Variants in GGT1 observed in about 807,000 individuals in gnomAD.
GGT1 encodes the protein gamma-glutamyltransferase 1, also known as glutathione hydrolase 1 proenzyme.
A neutral mutation model predicts 56.0 loss-of-function variants in GGT1; 21 were observed. The ratio of observed to expected loss-of-function variants is 0.38; its 90% CI spans 0.27 to 0.54. GGT1 has a LOEUF of 0.54. Ranked by LOEUF, GGT1 falls within the 20% of genes least tolerant of loss-of-function variation. The pLI is 0.82. For missense variants in GGT1, 466 were observed against 787.0 expected, an observed-to-expected ratio of 0.59 and a Z score of 4.88; for synonymous variants, 238 against 342.6, an observed-to-expected ratio of 0.69 and a Z score of 3.37.
At chr22:24,593,038 A>G (rs530802654), upstream of GGT1, 5,812 of 1,045,198 alleles carry the variant, frequency 5.6e-3, 23 homozygotes, top group Non-Finnish European at 6.3e-3. Flanking sequence ...CCGCGCCCCC[A>G]TGGCCGCCGC....
upstream of GGT1, chr22:24,592,786 C>T (rs1377789520): frequency 5.5e-6 from 7 of 1,270,798 alleles, no homozygotes; most frequent in East Asian, 1.1e-4. Flanking sequence ...CAACCCATAG[C>T]CCCGCGCCTC....
intron 5 of GGT1, among the ~76,000 whole-genome samples, chr22:24,611,685 A>G (rs563969736): frequency 6.7e-5 from 10 of 148,640 alleles, no homozygotes; most frequent in African/African-American, 2.5e-4. Context: ...GTTAACTGCA[A>G]CCTCCGCCTC....
intron 10 of GGT1, among the ~76,000 whole-genome samples, chr22:24,623,510 A>C (rs1424959826): frequency 6.7e-6 from 1 of 150,044 alleles, no homozygotes; most frequent in African/African-American, 2.5e-5. Context: ...GCAGGAGCTC[A>C]GGGCTGCAGG....
At chr22:24,589,515 AT>A in the GGT1 span, 1 of 472,434 alleles carries the variant, frequency 2.1e-6, no homozygotes, top group African/African-American at 2.1e-5. Flanking sequence ...GGGTCCCCAT[AT>A]GACTTCTGCC....
intron 7 of GGT1, among the ~76,000 whole-genome samples, chr22:24,615,361 G>A (rs2046994391): frequency 6.6e-6 from 1 of 152,174 alleles, no homozygotes; most frequent in Admixed American, 6.5e-5. Context: ...ACTCTGTGCA[G>A]CACATGGAGA....
upstream of GGT1, chr22:24,589,823 T>A (rs1447472028): frequency 2.5e-6 from 4 of 1,612,230 alleles, 1 homozygote; most frequent in South Asian, 3.3e-5. Context: ...AGCCTCACCT[T>A]CTTGGGGCAC....
intron 11 of GGT1, among the ~76,000 whole-genome samples, chr22:24,625,252 A>G (rs1167794698): frequency 1.3e-5 from 2 of 152,138 alleles, no homozygotes; most frequent in African/African-American, 2.4e-5. Context: ...CTTTACCTAC[A>G]GTAGGCTCCC....
chr22:24,596,682 G>A (rs144220167), intron 1 of GGT1, among the ~76,000 whole-genome samples: 13 of 149,914 alleles, frequency 8.7e-5, no homozygotes, highest in African/African-American at 3.2e-4. Flanking sequence ...GACGGACCAT[G>A]AGGTCAGGAA....
chr22:24,606,881 A>T (rs1216621301), intron 1 of GGT1, among the ~76,000 whole-genome samples: 13,405 of 128,564 alleles, frequency 0.1, 314 homozygotes, highest in African/African-American at 0.25. Context: ...GCTCTCCGGC[A>T]CCGTAGACAC....
intron 2 of GGT1, 29 bp downstream of exon 2, chr22:24,608,052 G>A: frequency 2.1e-6 from 1 of 466,280 alleles, no homozygotes; most frequent in Non-Finnish European, 4.4e-6. Flanking sequence ...CAAGGAAGGG[G>A]GTCTGGGTTT....
intron 7 of GGT1, among the ~76,000 whole-genome samples, chr22:24,618,557 C>T (rs71318989): frequency 0.17 from 26,565 of 152,222 alleles, 2,831 homozygotes; most frequent in East Asian, 0.28. Flanking sequence ...TGCCACTGCA[C>T]TGTAGTCTGG....
Position 24,627,822 on chromosome 22 carries a change from C to T in GGT1, c.1209-30C>T, listed in dbSNP as rs367694595. ...GGGACCAGGCTGGGCCAGGCAAGGT[C>T]GGGCACTGTCTGACCTGGCTGGGCG... On this transcript the variant is annotated intron_variant, in intron 12 of 15. Transcript: ENST00000400382. 8,788 of 1,601,808 alleles carry T rather than the reference C, an allele frequency of 5.5e-3. 388 individuals carry two copies. In the African/African-American group the frequency reaches 0.1, roughly 19 times the overall value.
chr22:24,606,914 G>A (rs1569051036), intron 1 of GGT1, among the ~76,000 whole-genome samples: 1 of 151,440 alleles, frequency 6.6e-6, no homozygotes, highest in Non-Finnish European at 1.5e-5. Context: ...AGCAGGGGAG[G>A]GAGCCATGAC....
intron 9 of GGT1, among the ~76,000 whole-genome samples, chr22:24,621,889 A>G (rs1356914803): frequency 1.3e-5 from 2 of 151,934 alleles, no homozygotes; most frequent in Non-Finnish European, 2.9e-5. Context: ...TGTCTCTACT[A>G]AAAATGCAAA....
At chr22:24,611,493 T>G (rs2046652501) in intron 5 of GGT1, among the ~76,000 whole-genome samples, 1 of 152,140 alleles carries the variant, frequency 6.6e-6, no homozygotes, top group Non-Finnish European at 1.5e-5. Context: ...GTTGTTTGGT[T>G]GTTATTTTTA....
chr22:24,591,982 T>C (rs2045580620), upstream of GGT1, among the ~76,000 whole-genome samples: 1 of 152,240 alleles, frequency 6.6e-6, no homozygotes, highest in African/African-American at 2.4e-5. Context: ...CCACATTTTC[T>C]CTGTGGGCCC....
chr22:24,610,944 T>A (rs2046614993), intron 4 of GGT1, 131 bp from the exon 5 acceptor site: 4 of 738,276 alleles, frequency 5.4e-6, no homozygotes, highest in Non-Finnish European at 2.3e-6. Context: ...AGCCTGCACG[T>A]ATTCTGGGAA....
chr22:24,598,089 C>T (rs1184395766), intron 1 of GGT1: 1 of 152,186 alleles, frequency 6.6e-6, no homozygotes, highest in Admixed American at 6.5e-5. Flanking sequence ...ATTTTATTTT[C>T]TCCTCAGACA....
chr22:24,604,185 C>T lies in GGT1; in HGVS notation c.-429+658C>T, dbSNP rs574480280. On this transcript the variant is annotated intron_variant, in intron 1 of 15. Coordinates refer to ENST00000400382, the MANE Select transcript of GGT1 (RefSeq NM_001288833.2). ...AGGGATAGCGACTCCAGGCTGGGGGCTGGCAGGGTAAGGGGTGGGTGGGTC... is the reference window on the plus strand; with the variant it reads ...AGGGATAGCGACTCCAGGCTGGGGGTTGGCAGGGTAAGGGGTGGGTGGGTC... 1.0e-4 allele frequency among the ~76,000 whole-genome samples: 13 copies of T among 126,378 alleles called. No homozygotes were observed. The East Asian group carries it at 3.0e-3, about 29-fold the overall frequency. The allele number at this position is 126,378 out of a possible 152,430, so 82.9% of individuals were successfully genotyped here. A position where few individuals can be genotyped will look rare whatever the true frequency, so the allele number is the denominator to read the frequency against.
Sources: gnomAD v4.1 joint callset for allele counts (sites outside exome capture counted in the v4.1 genomes callset) on GRCh38, gnomAD v4.1.1 for gene constraint, MANE v1.5 for transcripts, NCBI Gene and HGNC (gene_info 2026-07-23, HGNC 2026-07-21) for gene names.